The following NOS2 variants were observed in gnomAD, a reference collection of about 807,000 sequenced individuals.
NOS2 encodes the protein nitric oxide synthase 2, also known as nitric oxide synthase, inducible.
Under a neutral mutation model 136.0 loss-of-function variants are expected in NOS2, and 96 were observed. The observed-to-expected ratio is 0.71, with a 90% confidence interval of 0.60 to 0.84. The LOEUF is 0.84. Ranked by LOEUF, NOS2 falls within the 40% of genes least tolerant of loss-of-function variation. NOS2 has a pLI of 0.00. For synonymous variants in NOS2, 539 were observed against 587.5 expected (o/e 0.92, Z 1.20); for missense variants, 1,237 against 1,496.9 (o/e 0.83, Z 2.87).
chr17:27,759,058 G>A lies in NOS2; in HGVS notation c.3177C>T (p.Ile1059=), dbSNP rs745530396. ...PGKPKVYVQD[I]LRQQLASEVL... ...CCTCGCTGGCCAGCTGCTGCCGCAG[G>A]ATGTCCTGAACATAGACCTGAAACC... The change falls in exon 26 of 27, where the codon ATC becomes ATT. Residue 1059 remains isoleucine, a synonymous_variant. Coordinates refer to ENST00000313735, the MANE Select transcript of NOS2 (RefSeq NM_000625.4). 3.7e-6 allele frequency: 6 copies of A among 1,602,442 alleles called. No individual in the cohort carries two copies. Among genetic ancestry groups the A allele is most frequent in the Non-Finnish European group, 5.1e-6 (6 of 1,175,038 alleles).
intron 5 of NOS2, among the ~76,000 whole-genome samples, chr17:27,786,836 A>C (rs1428545362): frequency 6.6e-6 from 1 of 152,186 alleles, no homozygotes; most frequent in Non-Finnish European, 1.5e-5. Context: ...CCACAATGCT[A>C]TACAACCTCT....
At chr17:27,777,454 G>T (rs1350538782) in intron 11 of NOS2, among the ~76,000 whole-genome samples, 1 of 152,194 alleles carries the variant, frequency 6.6e-6, no homozygotes, top group Admixed American at 6.5e-5. Flanking sequence ...CCCAGCGGCT[G>T]TGTGTGGGCT....
intron 5 of NOS2, 113 bp from the exon 6 acceptor site, chr17:27,783,219 C>T: frequency 8.4e-7 from 1 of 1,187,926 alleles, no homozygotes. Flanking sequence ...CAAGATGCCT[C>T]TCACCAGAGA....
Position 27,770,918 on chromosome 17 carries a change from C to T in NOS2, c.1804G>A (p.Gly602Arg), listed in dbSNP as rs752529399. ...CCAGACCTCAAGCCACCCACCTCTCCATTGCCAGGGCAGTCTCCATTGCCA... is the reference window on the plus strand; with the variant it reads ...CCAGACCTCAAGCCACCCACCTCTCTATTGCCAGGGCAGTCTCCATTGCCA... ...TFGNGDCPGN[G>R]EKLKKSLFML... The change falls in exon 15 of 27, where the codon GGA becomes AGA. Residue 602 changes from glycine (G) to arginine (R), a missense_variant. Coordinates refer to ENST00000313735, the MANE Select transcript of NOS2 (RefSeq NM_000625.4). The T allele has an allele frequency of 1.2e-6, 2 of 1,613,358 alleles. No individual in the cohort carries two copies. The highest frequency in any genetic ancestry group is 1.7e-6 in the Non-Finnish European group (2 of 1,179,362).
Position 27,783,012 on chromosome 17 carries a change from A to G in NOS2, c.562T>C (p.Phe188Leu). ...TTGCGCCAGGCCTGCTTGGTGGCGAAGATGAGCTCATCTCCCGTCAGTTGG... is the reference window on the plus strand; with the variant it reads ...TTGCGCCAGGCCTGCTTGGTGGCGAGGATGAGCTCATCTCCCGTCAGTTGG... ...TYQLTGDELI[F>L]ATKQAWRNAP... Residue 188 changes from phenylalanine (F) to leucine (L), a missense_variant, in exon 6 of 27, where the codon TTC becomes CTC. Physicochemically the swap from Phe to Leu is conservative, Grantham distance 22. Transcript: ENST00000313735. 1 of 1,614,230 alleles carries G rather than the reference A, an allele frequency of 6.2e-7. No homozygotes were observed. Among genetic ancestry groups the G allele is most frequent in the Non-Finnish European group, 8.5e-7 (1 of 1,180,042 alleles).
At chr17:27,787,856 G>T (rs1567641871) in intron 4 of NOS2, 30 bp from the exon 5 acceptor site, 2 of 1,585,098 alleles carry the variant, frequency 1.3e-6, no homozygotes, top group Non-Finnish European at 8.6e-7. Flanking sequence ...TGGTGAGGGT[G>T]GGCCATTCGG....
chr17:27,760,077 G>A lies in NOS2; in HGVS notation c.3112C>T (p.Leu1038=). 1 of 1,599,720 alleles carries A rather than the reference G, an allele frequency of 6.3e-7. No individual in the cohort carries two copies. The highest frequency in any genetic ancestry group is 8.5e-7 in the Non-Finnish European group (1 of 1,173,892). Residue 1038 remains leucine (L), a synonymous_variant, in exon 25 of 27, where the codon CTG becomes TTG. Transcript: ENST00000313735. ...GAATAGGCTGTGTGCACCGCATGCAGCACCCCCTTCTGGGCCATCTCCAGC... is the reference window on the plus strand; with the variant it reads ...GAATAGGCTGTGTGCACCGCATGCAACACCCCCTTCTGGGCCATCTCCAGC... ...EMLEMAQKGV[L]HAVHTAYSRL...
At chr17:27,789,882 G>A (rs562977539) in intron 2 of NOS2, among the ~76,000 whole-genome samples, 194 bp from the exon 3 acceptor site, 3 of 152,244 alleles carry the variant, frequency 2.0e-5, no homozygotes, top group African/African-American at 4.8e-5. Context: ...TCTTCCTCCC[G>A]CAGAGCCAAA....
intron 2 of NOS2, among the ~76,000 whole-genome samples, chr17:27,790,553 C>T (rs1434431792): frequency 6.6e-6 from 1 of 152,156 alleles, no homozygotes; most frequent in Admixed American, 6.5e-5. Context: ...AGATTCAACC[C>T]AATTCAACAG....
intron 5 of NOS2, among the ~76,000 whole-genome samples, chr17:27,784,530 C>T (rs1908959111): frequency 6.6e-6 from 1 of 152,222 alleles, no homozygotes; most frequent in African/African-American, 2.4e-5. Flanking sequence ...ACACCACCAA[C>T]ACACATGGTG....
In NOS2 at chr17:27,765,520, T is replaced by C. The variant is rs754805179; in HGVS notation, c.2428+15A>G. ...AGGGTGCCAGGCAGCACTGGCTTTCTAGCCCGGGGCTCACCACTCTCATCC... is the reference window on the plus strand; with the variant it reads ...AGGGTGCCAGGCAGCACTGGCTTTCCAGCCCGGGGCTCACCACTCTCATCC... On this transcript the variant is annotated intron_variant, in intron 20 of 26. Coordinates refer to ENST00000313735, the MANE Select transcript of NOS2 (RefSeq NM_000625.4). 5.1e-6 allele frequency: 8 copies of C among 1,571,546 alleles called. No homozygotes were observed. In the South Asian group the frequency reaches 8.4e-5, roughly 16 times the overall value.
At position 27,788,873 on chromosome 17, in the gene NOS2, A is replaced by C; in HGVS notation, c.254T>G (p.Val85Gly). ...CCCGCTGCCCCAGTTTTTGATCCTC[A>C]CATGCCGTGGGGAGGACAATGGGGT... ...DATPLSSPRH[V>G]RIKNWGSGMT... The change falls in exon 4 of 27, where the codon GTG becomes GGG. Residue 85 changes from valine (V) to glycine (G), a missense_variant. This residue lies in a region of NOS2 where 440 missense variants were observed against 545.4 expected (regional missense o/e 0.81). Transcript: ENST00000313735. The C allele has an allele frequency of 6.2e-7, 1 of 1,614,156 alleles. No homozygotes were observed. The highest frequency in any genetic ancestry group is 8.5e-7 in the Non-Finnish European group (1 of 1,180,000).
intron 12 of NOS2, among the ~76,000 whole-genome samples, 153 bp from the exon 13 acceptor site, chr17:27,773,396 G>A (rs1187851828): frequency 6.6e-6 from 1 of 152,210 alleles, no homozygotes; most frequent in Admixed American, 6.5e-5. Flanking sequence ...CTCCCACAAG[G>A]GAGGGCCGTG....
At position 27,760,194 on chromosome 17, in the gene NOS2, G is replaced by A; in HGVS notation, c.3011-16C>T. ...CCCCGCACTCCTGCAGGAGTCCCGG[G>A]CTGTTGTTACCATGTTGGCCACCAG... On this transcript the variant is annotated splice_polypyrimidine_tract_variant and intron_variant, in intron 24 of 26. Transcript: ENST00000313735. The A allele has an allele frequency of 2.0e-6, 3 of 1,537,538 alleles. No homozygotes were observed. Among genetic ancestry groups the A allele is most frequent in the Non-Finnish European group, 2.6e-6 (3 of 1,145,434 alleles).
rs746066210 is a variant in NOS2 at position 27,788,844 on chromosome 17, T to A, written c.283A>T (p.Thr95Ser). ...TTATGGTGAAGTGTGTCTTGGAAAGTCATCCCGCTGCCCCAGTTTTTGATC... is the reference window on the plus strand; with the variant it reads ...TTATGGTGAAGTGTGTCTTGGAAAGACATCCCGCTGCCCCAGTTTTTGATC... Reference protein sequence around the residue: ...VRIKNWGSGMTFQDTLHHKAK... With the variant: ...VRIKNWGSGMSFQDTLHHKAK... The change falls in exon 4 of 27, where the codon ACT becomes TCT. Residue 95 changes from threonine (T) to serine (S), a missense_variant. Physicochemically the swap from Thr to Ser is moderately conservative, Grantham distance 58. This residue lies in a region of NOS2 where 440 missense variants were observed against 545.4 expected (regional missense o/e 0.81). Transcript: ENST00000313735. 2 of 1,614,038 alleles carry A rather than the reference T, an allele frequency of 1.2e-6. No homozygotes were observed. Among genetic ancestry groups the A allele is most frequent in the African/African-American group, 2.7e-5 (2 of 74,928 alleles).
At chr17:27,762,488 A>G (rs1908164001) in intron 22 of NOS2, among the ~76,000 whole-genome samples, 1 of 152,154 alleles carries the variant, frequency 6.6e-6, no homozygotes, top group Non-Finnish European at 1.5e-5. Context: ...GAGGACTTGG[A>G]CTCAGCAGTT....
intron 11 of NOS2, among the ~76,000 whole-genome samples, chr17:27,777,650 A>C (rs968350806): frequency 1.3e-5 from 2 of 152,182 alleles, no homozygotes; most frequent in African/African-American, 2.4e-5. Flanking sequence ...TTTAGCATCT[A>C]CCATGTGCCA....
At chr17:27,761,764 T>C (rs944583449) in intron 22 of NOS2, among the ~76,000 whole-genome samples, 24 of 152,280 alleles carry the variant, frequency 1.6e-4, no homozygotes, top group African/African-American at 2.6e-4. Context: ...TGGGCCCTCC[T>C]GGGCTTGTAG....
rs774174161 is a variant in NOS2 at position 27,782,011 on chromosome 17, C to T, written c.722+4G>A. 1.1e-5 allele frequency: 18 copies of T among 1,613,476 alleles called. No individual in the cohort carries two copies. The highest frequency in any genetic ancestry group is 1.1e-4 in the South Asian group (10 of 91,006). ...CTCTGCAGCCCTGGGAAATGTGCAC[C>T]GACCTGATGTTGCCATTGTTGGTGG... On this transcript the variant is annotated splice_donor_region_variant and intron_variant, in intron 7 of 26. Coordinates refer to ENST00000313735, the MANE Select transcript of NOS2 (RefSeq NM_000625.4).
Sources: allele counts gnomAD v4.1 joint callset (sites outside exome capture counted in the v4.1 genomes callset), GRCh38; gene constraint gnomAD v4.1.1; regional missense constraint gnomAD v4.1.1; transcripts MANE v1.5; gene names NCBI Gene and HGNC (gene_info 2026-07-23, HGNC 2026-07-21).